The following GPC5 variants were observed in gnomAD, a reference collection of about 807,000 sequenced individuals.
The protein encoded by GPC5 is glypican 5, also known as glypican-5.
Under a neutral mutation model 53.9 loss-of-function variants are expected in GPC5, and 47 were observed. That is an observed-to-expected ratio of 0.87 (90% CI 0.69 to 1.11). The LOEUF (loss-of-function observed/expected upper bound fraction) is 1.11, where lower values mean the gene tolerates loss of function less well. GPC5 is among the 50% of genes most tolerant of loss of function. The pLI is 0.00. For missense variants in GPC5, 748 were observed against 713.1 expected (o/e 1.05, Z -0.56); for synonymous variants, 286 against 263.3 (o/e 1.09, Z -0.84).
At chr13:91,745,725 C>G (rs762431469) in intron 4 of GPC5, among the ~76,000 whole-genome samples, 15 of 151,548 alleles carry the variant, frequency 9.9e-5, no homozygotes, top group Non-Finnish European at 1.9e-4. Flanking sequence ...ACAACTTGCT[C>G]TTTTGGAAAA....
At chr13:91,900,488 A>G (rs2039486635) in intron 5 of GPC5, among the ~76,000 whole-genome samples, 1 of 152,024 alleles carries the variant, frequency 6.6e-6, no homozygotes, top group African/African-American at 2.4e-5. Flanking sequence ...AACATTTCAA[A>G]CTCGTATAGC....
At chr13:92,610,547 C>G (rs898520562) in intron 7 of GPC5, among the ~76,000 whole-genome samples, 4 of 152,164 alleles carry the variant, frequency 2.6e-5, no homozygotes, top group Non-Finnish European at 2.9e-5. Flanking sequence ...TTTCACAAAT[C>G]TAGGAACAGC....
At chr13:91,862,238 A>T (rs919939094) in intron 5 of GPC5, among the ~76,000 whole-genome samples, 7 of 152,220 alleles carry the variant, frequency 4.6e-5, no homozygotes, top group Admixed American at 4.6e-4. Flanking sequence ...AACCCATTTA[A>T]TTTTTCTGAA....
intron 7 of GPC5, among the ~76,000 whole-genome samples, chr13:92,836,045 T>C (rs561308590): frequency 6.6e-6 from 1 of 152,106 alleles, no homozygotes; most frequent in Non-Finnish European, 1.5e-5. Context: ...TGACTTTTTT[T>C]TGTCAATTGC....
intron 7 of GPC5, among the ~76,000 whole-genome samples, chr13:92,852,202 G>A (rs1227660908): frequency 1.3e-5 from 2 of 152,088 alleles, no homozygotes; most frequent in South Asian, 2.1e-4. Context: ...TTGTGGATGG[G>A]CTAGTTTAAA....
chr13:91,692,935 C>T lies in GPC5; in HGVS notation c.326-252C>T, dbSNP rs183550827. ...CTGGAATTACAGGCGTGAGCCACCA[C>T]GCCTGGTGATTTCATTACTTTTAAA... On this transcript the variant is annotated intron_variant, in intron 2 of 7. Transcript: ENST00000377067. Among the ~76,000 whole-genome samples, 207 of 152,312 alleles carry T rather than the reference C, an allele frequency of 1.4e-3. 3 individuals are homozygous for T. In the South Asian group the frequency reaches 0.04, roughly 29 times the overall value.
At chr13:91,735,422 A>T (rs1394329170) in intron 4 of GPC5, among the ~76,000 whole-genome samples, 1 of 151,168 alleles carries the variant, frequency 6.6e-6, no homozygotes, top group Admixed American at 6.6e-5. Context: ...TTAATAAGTC[A>T]GTAGTTGTTT....
At chr13:92,100,792 G>A (rs185180910) in intron 6 of GPC5, among the ~76,000 whole-genome samples, 11 of 152,268 alleles carry the variant, frequency 7.2e-5, no homozygotes, top group African/African-American at 2.4e-4. Context: ...GTCAGGTTGT[G>A]CTATAGCATT....
intron 7 of GPC5, among the ~76,000 whole-genome samples, chr13:92,701,168 A>G (rs997697177): frequency 2.1e-4 from 32 of 152,156 alleles, no homozygotes; most frequent in African/African-American, 6.3e-4. Context: ...AGGACACATG[A>G]CAACATCTTA....
chr13:92,022,124 C>T (rs556069388), intron 6 of GPC5, among the ~76,000 whole-genome samples: 18 of 152,078 alleles, frequency 1.2e-4, no homozygotes, highest in Admixed American at 2.0e-4. Context: ...CTCAGCCTCC[C>T]GAGTAGCTGG....
chr13:91,485,011 T>G (rs1322086825), intron 2 of GPC5, among the ~76,000 whole-genome samples: 1 of 152,202 alleles, frequency 6.6e-6, no homozygotes, highest in Non-Finnish European at 1.5e-5. Context: ...GAGAGCTTGT[T>G]AGAAATGCAG....
chr13:92,245,558 T>TTATACAGAA lies in GPC5; in HGVS notation c.1561+100569_1561+100570insTATACAGAA, dbSNP rs1469738214. ...TGATTAAATAAACATGTCTGAACCT[T>TTATACAGAA]AGTTTCTTTATACAGAAAGTGGACA... is the stretch of plus-strand genomic sequence containing the variant. On this transcript the variant is annotated intron_variant, in intron 7 of 7. Transcript: ENST00000377067. 3.3e-5 allele frequency among the ~76,000 whole-genome samples: 5 copies of TTATACAGAA among 152,292 alleles called. No homozygotes were observed. In the South Asian group the frequency reaches 1.0e-3, roughly 32 times the overall value.
At chr13:92,613,670 T>A (rs1282217513) in intron 7 of GPC5, among the ~76,000 whole-genome samples, 2 of 127,820 alleles carry the variant, frequency 1.6e-5, no homozygotes, top group Non-Finnish European at 3.2e-5. Flanking sequence ...TATATTTTAT[T>A]ATATATATTT....
rs188556984 is a variant in GPC5, at chr13:92,521,296, C to G, written c.1562-344986C>G. ...AACTACTTTAAAGTTCATATGGAAA[C>G]AAAAAAGAGCCCACATTGCCAAGAC... On this transcript the variant is annotated intron_variant, in intron 7 of 7. Transcript: ENST00000377067. 6.6e-3 allele frequency among the ~76,000 whole-genome samples: 1,011 copies of G among 152,128 alleles called. 11 individuals carry two copies. Among genetic ancestry groups the G allele is most frequent in the East Asian group, 0.029 (150 of 5,156 alleles).
At chr13:92,562,739 A>G (rs1257892571) in intron 7 of GPC5, among the ~76,000 whole-genome samples, 1 of 152,008 alleles carries the variant, frequency 6.6e-6, no homozygotes, top group East Asian at 1.9e-4. Context: ...GGTTTTATAA[A>G]AGTGAATAAA....
chr13:91,779,557 C>T (rs931665911), intron 5 of GPC5, among the ~76,000 whole-genome samples: 20 of 152,054 alleles, frequency 1.3e-4, no homozygotes, highest in African/African-American at 2.9e-4. Context: ...AGCAGAGTTT[C>T]GCCATGTTAC....
chr13:91,839,594 C>A (rs1174109227), intron 5 of GPC5, among the ~76,000 whole-genome samples: 4 of 151,494 alleles, frequency 2.6e-5, no homozygotes, highest in African/African-American at 9.7e-5. Flanking sequence ...AAAGAGTTTC[C>A]TGACTATAGA....
intron 6 of GPC5, among the ~76,000 whole-genome samples, chr13:91,925,055 G>A (rs2139022848): frequency 6.6e-6 from 1 of 152,110 alleles, no homozygotes; most frequent in African/African-American, 2.4e-5. Context: ...TCCTGATCTC[G>A]TGATCCGCCC....
At chr13:92,207,825 T>A (rs1173409833) in intron 7 of GPC5, among the ~76,000 whole-genome samples, 1 of 152,242 alleles carries the variant, frequency 6.6e-6, no homozygotes, top group Non-Finnish European at 1.5e-5. Context: ...CAATATATTC[T>A]ATTATGATGC....
Sources: gnomAD v4.1 joint callset for allele counts (sites outside exome capture counted in the v4.1 genomes callset) on GRCh38, gnomAD v4.1.1 for gene constraint, MANE v1.5 for transcripts, NCBI Gene and HGNC (gene_info 2026-07-23, HGNC 2026-07-21) for gene names.